The following LINGO1 variants were observed in gnomAD, a reference collection of about 807,000 sequenced individuals.
The protein encoded by LINGO1 is leucine rich repeat and Ig domain containing 1.
In LINGO1, 11 loss-of-function variants were observed where a neutral mutation model predicts 37.3. The observed-to-expected ratio is 0.29, with a 90% CI of 0.19 to 0.49. The LOEUF (loss-of-function observed/expected upper bound fraction) is 0.49, where lower values mean the gene tolerates loss of function less well. LINGO1 is among the 20% of genes least tolerant of loss of function. The pLI, the probability that LINGO1 is intolerant of heterozygous loss-of-function variation, is 0.99. For synonymous variants in LINGO1, 387 were observed against 403.0 expected (o/e 0.96, Z 0.48); for missense variants, 585 against 878.2 (o/e 0.67, Z 4.22).
chr15:77,614,430 C>A lies in LINGO1; in HGVS notation c.1477G>T (p.Gly493Cys). 6.2e-7 allele frequency: 1 copy of A among 1,612,068 alleles called. No homozygotes were observed. The change falls in exon 2 of 2, where the codon GGC becomes TGC. Residue 493 changes from glycine (G) to cysteine (C), a missense_variant. Coordinates refer to ENST00000355300, the MANE Select transcript of LINGO1 (RefSeq NM_032808.7). ...TTGGCCGCGATGCACAGGTACGTGC[C>A]GTTGTCCTGTACCTGGGCGTAGCGC... is the stretch of plus-strand genomic sequence containing the variant. The part of the protein sequence containing the change: ...EVRYAQVQDN[G>C]TYLCIAANAG...
intron 2 of LINGO1, among the ~76,000 whole-genome samples, chr15:77,712,684 C>T (rs528471475): frequency 6.6e-6 from 1 of 152,226 alleles, no homozygotes; most frequent in African/African-American, 2.4e-5. Flanking sequence ...TGACCCATCA[C>T]TCTCCACTGA....
At chr15:77,708,588 C>T (rs923904903) in intron 2 of LINGO1, among the ~76,000 whole-genome samples, 4 of 152,164 alleles carry the variant, frequency 2.6e-5, no homozygotes, top group Non-Finnish European at 5.9e-5. Flanking sequence ...GGGTCCTGAT[C>T]CAACGACTGA....
intron 1 of LINGO1, among the ~76,000 whole-genome samples, chr15:77,771,816 G>A (rs2076588592): frequency 6.6e-6 from 1 of 152,214 alleles, no homozygotes; most frequent in South Asian, 2.1e-4. Flanking sequence ...GCAGGCCTGG[G>A]CTCAGCTCTG....
intron 1 of LINGO1, among the ~76,000 whole-genome samples, chr15:77,748,870 A>G (rs1262866530): frequency 9.9e-6 from 1 of 100,822 alleles, no homozygotes; most frequent in Non-Finnish European, 2.0e-5. Context: ...TTATTTATTT[A>G]TTTATTTATT....
At chr15:77,807,426 C>T (rs1175813299) in intron 1 of LINGO1, among the ~76,000 whole-genome samples, 3 of 152,198 alleles carry the variant, frequency 2.0e-5, no homozygotes, top group Non-Finnish European at 2.9e-5. Context: ...AGGCTCTGTC[C>T]CGGGTGCAGC....
chr15:77,771,739 C>T (rs888478021), intron 1 of LINGO1, among the ~76,000 whole-genome samples: 4 of 152,138 alleles, frequency 2.6e-5, no homozygotes, highest in Non-Finnish European at 5.9e-5. Context: ...GAAGCCTTGG[C>T]CACCCCCCGC....
chr15:77,753,204 C>A (rs1328327407), intron 1 of LINGO1, among the ~76,000 whole-genome samples: 1 of 152,246 alleles, frequency 6.6e-6, no homozygotes, highest in Non-Finnish European at 1.5e-5. Flanking sequence ...ACAGTAGGTG[C>A]TTGCCCAGTG....
At chr15:77,635,301 T>C (rs547502769), upstream of LINGO1, among the ~76,000 whole-genome samples, 9 of 152,062 alleles carry the variant, frequency 5.9e-5, no homozygotes, top group Admixed American at 1.3e-4. Flanking sequence ...ACGGGGAGCT[T>C]TGGGGGAACA....
intron 1 of LINGO1, among the ~76,000 whole-genome samples, chr15:77,761,380 G>C (rs984136744): frequency 6.6e-6 from 1 of 152,320 alleles, no homozygotes; most frequent in South Asian, 2.1e-4. Flanking sequence ...ACAGGCACAG[G>C]ACCACTTGCA....
chr15:77,637,308 G>A (rs1261381166), upstream of LINGO1, among the ~76,000 whole-genome samples: 1 of 152,220 alleles, frequency 6.6e-6, no homozygotes, highest in African/African-American at 2.4e-5. The surrounding 1 kb of genome is among the most constrained non-coding windows in gnomAD (Gnocchi z 4.6). Flanking sequence ...GCAAGGGTGT[G>A]TGGGAGGCCC....
At chr15:77,726,844 T>C (rs1196918569) in intron 2 of LINGO1, among the ~76,000 whole-genome samples, 1 of 152,256 alleles carries the variant, frequency 6.6e-6, no homozygotes, top group Non-Finnish European at 1.5e-5. Context: ...GCAACCCATG[T>C]ATCTGAAAGG....
intron 3 of LINGO1, among the ~76,000 whole-genome samples, chr15:77,675,248 G>A (rs796396540): frequency 1.3e-5 from 2 of 152,166 alleles, no homozygotes; most frequent in South Asian, 4.1e-4. Flanking sequence ...GGAAATGTGG[G>A]TGCCCTCTGA....
intron 2 of LINGO1, among the ~76,000 whole-genome samples, chr15:77,716,282 T>TC (rs60720830): frequency 1.3e-4 from 18 of 135,436 alleles, no homozygotes; most frequent in African/African-American, 2.5e-4. Flanking sequence ...TTCTTCTTCT[T>TC]TTTTTTTTTT....
chr15:77,621,975 C>G (rs2073937038), intron 1 of LINGO1, among the ~76,000 whole-genome samples: 1 of 152,212 alleles, frequency 6.6e-6, no homozygotes, highest in South Asian at 2.1e-4. Context: ...CCAGGGTCCT[C>G]TGGGTGCTCA....
intron 3 of LINGO1, among the ~76,000 whole-genome samples, chr15:77,640,858 ATTC>A (rs2074489204): frequency 6.6e-6 from 1 of 152,000 alleles, no homozygotes; most frequent in African/African-American, 2.4e-5. Context: ...TCATTCATTC[ATTC>A]ATCAAATGCC....
At chr15:77,730,970 G>A (rs2076149157) in intron 2 of LINGO1, among the ~76,000 whole-genome samples, 2 of 152,246 alleles carry the variant, frequency 1.3e-5, no homozygotes. Flanking sequence ...ATTAGGGTCA[G>A]AATCCTGCCC....
chr15:77,614,890 C>G lies in LINGO1; in HGVS notation c.1017G>C (p.Val339=). Residue 339 remains valine, a synonymous_variant, in exon 2 of 2, where the codon GTG becomes GTC. Transcript: ENST00000355300. Reference sequence around the variant, plus strand: ...TCAGCTGGTTGCCAGAGACATTGAGCACGCGCAGGTAGTTGAGGCCGCGGA... The same window carrying G: ...TCAGCTGGTTGCCAGAGACATTGAGGACGCGCAGGTAGTTGAGGCCGCGGA... ...YAFRGLNYLR[V]LNVSGNQLTT... is the part of the protein sequence containing the mutation. The G allele has an allele frequency of 6.2e-7, 1 of 1,613,972 alleles. No homozygotes were observed.
chr15:77,814,366 G>C (rs376254448), intron 1 of LINGO1, among the ~76,000 whole-genome samples: 2 of 152,186 alleles, frequency 1.3e-5, no homozygotes, highest in Admixed American at 1.3e-4. Context: ...GAACAATGTT[G>C]TCTGCCTACT....
chr15:77,814,421 AAC>A (rs1274960601), intron 1 of LINGO1, among the ~76,000 whole-genome samples: 3 of 152,236 alleles, frequency 2.0e-5, no homozygotes, highest in African/African-American at 7.2e-5. Context: ...GGAGTATAAA[AAC>A]ACAAAATTAT....
Sources: gnomAD v4.1 joint callset for allele counts (sites outside exome capture counted in the v4.1 genomes callset) on GRCh38, gnomAD v4.1.1 for gene constraint, Gnocchi (gnomAD v3.1) non-coding constraint, MANE v1.5 for transcripts, NCBI Gene and HGNC (gene_info 2026-07-23, HGNC 2026-07-21) for gene names.